The following KLHL2 variants were observed in gnomAD, a reference collection of about 807,000 sequenced individuals.
KLHL2 encodes kelch-like protein 2.
KLHL2 carries 15 observed loss-of-function variants against 75.8 expected under a neutral mutation model. The observed-to-expected ratio is 0.20, with a 90% CI of 0.13 to 0.30. KLHL2 has a LOEUF of 0.30. KLHL2 is among the 10% of genes least tolerant of loss of function. The pLI, the probability that KLHL2 is intolerant of heterozygous loss-of-function variation, is 1.00. For missense variants in KLHL2, 381 were observed against 741.0 expected (o/e 0.51, Z 5.64); for synonymous variants, 214 against 251.9 (o/e 0.85, Z 1.42).
chr4:165,294,597 A>G, intron 6 of KLHL2, 129 bp downstream of exon 6: 1 of 494,820 alleles, frequency 2.0e-6, no homozygotes, highest in Non-Finnish European at 3.6e-6. Context: ...CTGGAAGTTA[A>G]GAAACTCAGC....
chr4:165,253,297 G>A (rs113720015), intron 4 of KLHL2, among the ~76,000 whole-genome samples: 4 of 152,288 alleles, frequency 2.6e-5, no homozygotes, highest in African/African-American at 7.2e-5. Flanking sequence ...GCCTCCCAAA[G>A]TGCTGGGATT....
chr4:165,232,498 A>C (rs974788187), intron 3 of KLHL2, among the ~76,000 whole-genome samples: 2 of 152,022 alleles, frequency 1.3e-5, no homozygotes, highest in African/African-American at 4.8e-5. Context: ...TGGGAGGCCG[A>C]GGTGGCAGAA....
At chr4:165,228,053 A>G (rs1738593632) in intron 2 of KLHL2, among the ~76,000 whole-genome samples, 2 of 152,308 alleles carry the variant, frequency 1.3e-5, no homozygotes, top group South Asian at 2.1e-4. Context: ...GTGGTCTACC[A>G]TGCCTGGCTA....
intron 9 of KLHL2, among the ~76,000 whole-genome samples, chr4:165,308,646 A>G (rs754311759): frequency 1.3e-5 from 2 of 152,198 alleles, no homozygotes; most frequent in Non-Finnish European, 2.9e-5. Context: ...AAACCTTGGT[A>G]AGCATACTAT....
intron 5 of KLHL2, among the ~76,000 whole-genome samples, chr4:165,281,990 A>C (rs1743729568): frequency 6.6e-6 from 1 of 152,218 alleles, no homozygotes; most frequent in South Asian, 2.1e-4. Context: ...TACTGAAGGT[A>C]AATTACTAAT....
chr4:165,250,467 T>G (rs1039549207), intron 4 of KLHL2, among the ~76,000 whole-genome samples: 1 of 152,220 alleles, frequency 6.6e-6, no homozygotes, highest in Non-Finnish European at 1.5e-5. Flanking sequence ...GCCCTTAGAT[T>G]GGCTTTCTAG....
At chr4:165,216,629 C>G (rs1737558457) in intron 1 of KLHL2, among the ~76,000 whole-genome samples, 1 of 152,144 alleles carries the variant, frequency 6.6e-6, no homozygotes, top group Non-Finnish European at 1.5e-5. Flanking sequence ...CTAGTTATTC[C>G]TAGTATGTAT....
intron 4 of KLHL2, among the ~76,000 whole-genome samples, chr4:165,255,622 A>C (rs546902535): frequency 6.6e-6 from 1 of 152,208 alleles, no homozygotes; most frequent in South Asian, 2.1e-4. Flanking sequence ...TACATCTCAA[A>C]ACCCTACTCC....
chr4:165,294,747 C>A (rs895918086), intron 6 of KLHL2, among the ~76,000 whole-genome samples: 2 of 152,190 alleles, frequency 1.3e-5, no homozygotes, highest in African/African-American at 4.8e-5. Context: ...TTGACCTCCA[C>A]AGCAAGAGCT....
chr4:165,306,882 T>C (rs921225792), intron 9 of KLHL2, among the ~76,000 whole-genome samples: 25 of 152,250 alleles, frequency 1.6e-4, no homozygotes, highest in Non-Finnish European at 8.8e-5. Context: ...ACTTTATCTT[T>C]TAATGTAGTC....
At chr4:165,275,616 T>C (rs28685193) in intron 5 of KLHL2, among the ~76,000 whole-genome samples, 8,489 of 152,258 alleles carry the variant, frequency 0.056, 526 homozygotes, top group African/African-American at 0.15. Flanking sequence ...TCTTTTTCTT[T>C]TTTAAAATAG....
intron 11 of KLHL2, 123 bp downstream of exon 11, chr4:165,311,688 G>A (rs531876352): frequency 1.1e-4 from 76 of 679,708 alleles, no homozygotes; most frequent in Middle Eastern, 2.6e-4. Flanking sequence ...AAGAAAAGTC[G>A]TAATTACTGT....
chr4:165,233,347 A>T (rs1238304363), intron 3 of KLHL2, among the ~76,000 whole-genome samples: 8 of 152,248 alleles, frequency 5.3e-5, no homozygotes. Context: ...TGGCATTTAG[A>T]AAGCTGTTTG....
chr4:165,290,514 ACT>A (rs1203279369), intron 5 of KLHL2, among the ~76,000 whole-genome samples: 1 of 152,060 alleles, frequency 6.6e-6, no homozygotes, highest in African/African-American at 2.4e-5. Flanking sequence ...TAAAAAACAA[ACT>A]CAACTATTGA....
chr4:165,228,973 A>T, intron 3 of KLHL2, 60 bp downstream of exon 3: 1 of 969,854 alleles, frequency 1.0e-6, no homozygotes. Flanking sequence ...TGCTTTTCTT[A>T]CCACATTTTC....
At chr4:165,310,187 T>C (rs1279939218) in intron 9 of KLHL2, among the ~76,000 whole-genome samples, 1 of 152,042 alleles carries the variant, frequency 6.6e-6, no homozygotes, top group Non-Finnish European at 1.5e-5. Flanking sequence ...TAGTTGGGTG[T>C]GGTGGCGGGC....
intron 4 of KLHL2, among the ~76,000 whole-genome samples, chr4:165,240,991 C>T (rs1160846618): frequency 6.6e-6 from 1 of 152,176 alleles, no homozygotes; most frequent in Non-Finnish European, 1.5e-5. Flanking sequence ...TTTCAGAAAA[C>T]TCTTGCCATC....
chr4:165,311,427 TA>T, intron 10 of KLHL2, 36 bp from the exon 11 acceptor site: 1 of 1,445,868 alleles, frequency 6.9e-7, no homozygotes, highest in African/African-American at 1.4e-5. Context: ...TGACATTTTT[TA>T]GAGAAGGAAA....
intron 2 of KLHL2, among the ~76,000 whole-genome samples, chr4:165,220,834 G>A (rs1737927011): frequency 6.6e-6 from 1 of 152,116 alleles, no homozygotes; most frequent in Non-Finnish European, 1.5e-5. Context: ...AAGGATCACT[G>A]CAACTTTTAA....
Sources: gnomAD v4.1 joint callset for allele counts (sites outside exome capture counted in the v4.1 genomes callset) on GRCh38, gnomAD v4.1.1 for gene constraint, MANE v1.5 for transcripts, NCBI Gene and HGNC (gene_info 2026-07-23, HGNC 2026-07-21) for gene names.